The following NOTCH2 variants were observed in gnomAD, a reference collection of about 807,000 sequenced individuals.
NOTCH2 encodes the protein notch receptor 2, also known as neurogenic locus notch homolog protein 2.
Under a neutral mutation model 235.8 loss-of-function variants are expected in NOTCH2, and 29 were observed. That is an observed-to-expected ratio of 0.12 (90% CI 0.09 to 0.17). The LOEUF (loss-of-function observed/expected upper bound fraction) is 0.17. Among genes scored for constraint, NOTCH2 ranks in the 10% least tolerant of loss-of-function variants. NOTCH2 has a pLI of 1.00. For missense variants in NOTCH2, 2,285 were observed against 3,150.2 expected (o/e 0.73, Z 6.57); for synonymous variants, 1,086 against 1,141.5 (o/e 0.95, Z 0.98).
chr1:119,915,503 G>A lies in NOTCH2; in HGVS notation c.7219C>T (p.His2407Tyr). The change falls in exon 34 of 34, where the codon CAC becomes TAC. Residue 2407 changes from histidine (H) to tyrosine (Y), a missense_variant. Around this residue, in one of 6 missense-constraint regions of NOTCH2, gnomAD observed 504 missense variants for 538.0 expected, o/e 0.94. Coordinates refer to ENST00000256646, the MANE Select transcript of NOTCH2 (RefSeq NM_024408.4). ...AAERTPSHSG[H>Y]LQGEHPYLTP... ...AGGTAGGGATGCTCACCCTGGAGGT[G>A]ACCACTGTGACTGGGTGTTCGCTCA... 4 of 1,614,114 alleles carry A rather than the reference G, an allele frequency of 2.5e-6. No individual in the cohort carries two copies. The highest frequency in any genetic ancestry group is 3.4e-6 in the Non-Finnish European group (4 of 1,180,028).
intron 22 of NOTCH2, among the ~76,000 whole-genome samples, chr1:119,931,920 A>G (rs1193274217): frequency 6.7e-6 from 1 of 150,148 alleles, no homozygotes; most frequent in African/African-American, 2.4e-5. Context: ...GTTTTTTTAT[A>G]TCATAGCCAA....
At position 119,913,444 on chromosome 1, in the gene NOTCH2, G is replaced by C. The variant is rs1010376214; in HGVS notation, c.*1862C>G. The C allele has an allele frequency of 1.7e-5, 4 of 233,084 alleles. No homozygotes were observed. The highest frequency in any genetic ancestry group is 4.4e-5 in the African/African-American group (2 of 45,300). The allele number at this position is 233,084 out of a possible 1,614,324, so 14.4% of individuals were successfully genotyped here. ...AACTGTCATTCAAACCAAAAGAGTC[G>C]GGAATTCACCTGTTAATATCTACAA... On this transcript the variant is annotated 3_prime_UTR_variant, in exon 34 of 34. Transcript: ENST00000256646.
At chr1:119,984,871 G>T (rs912594492) in intron 5 of NOTCH2, among the ~76,000 whole-genome samples, 14 of 152,172 alleles carry the variant, frequency 9.2e-5, no homozygotes, top group Non-Finnish European at 1.6e-4. Flanking sequence ...ATTTAGCTCA[G>T]CCTGGAGCAA....
chr1:119,948,684 C>A, intron 16 of NOTCH2, 118 bp from the exon 17 acceptor site: 1 of 1,229,420 alleles, frequency 8.1e-7, no homozygotes, highest in African/African-American at 1.5e-5. Context: ...AACTGGTTGG[C>A]CCCCTGCTTT....
chr1:119,944,747 A>C (rs112201075), intron 17 of NOTCH2, among the ~76,000 whole-genome samples: 1,907 of 152,266 alleles, frequency 0.013, 43 homozygotes, highest in African/African-American at 0.044. Context: ...GCTGAAAGAG[A>C]AAGTCAATTT....
chr1:119,921,086 G>A (rs1471520795), intron 29 of NOTCH2, among the ~76,000 whole-genome samples: 8 of 152,208 alleles, frequency 5.3e-5, no homozygotes. Flanking sequence ...CAGCTACTAA[G>A]CGGCAGAGTT....
In NOTCH2 at chr1:119,940,667, T is replaced by C. The variant is rs1650033889; in HGVS notation, c.3071A>G (p.His1024Arg). Residue 1024 changes from histidine (H) to arginine (R), a missense_variant, in exon 19 of 34, where the codon CAT (histidine) becomes CGT (arginine). His to Arg is a conservative substitution (Grantham distance 29, BLOSUM62 0). Coordinates refer to ENST00000256646, the MANE Select transcript of NOTCH2 (RefSeq NM_024408.4). ...ATGAGAGCTGCATTCATTGATCTCA[T>C]GGAGGCAGAAGGATCCAGTGAAACC... is the stretch of plus-strand genomic sequence containing the variant. ...PVGFTGSFCL[H>R]EINECSSHPC... is the part of the protein sequence containing the mutation. The C allele has an allele frequency of 1.2e-6, 2 of 1,614,128 alleles. No homozygotes were observed. Among genetic ancestry groups the C allele is most frequent in the East Asian group, 2.2e-5 (1 of 44,886 alleles).
At chr1:120,007,653 A>T in intron 2 of NOTCH2, among the ~76,000 whole-genome samples, 1 of 151,994 alleles carries the variant, frequency 6.6e-6, no homozygotes, top group Non-Finnish European at 1.5e-5. Context: ...AGATTGTGCC[A>T]CTACACTCCA....
chr1:119,955,247 G>A lies in NOTCH2; in HGVS notation c.2027-15C>T. 1 of 1,612,920 alleles carries A rather than the reference G, an allele frequency of 6.2e-7. No individual in the cohort carries two copies. Among genetic ancestry groups the A allele is most frequent in the African/African-American group, 1.3e-5 (1 of 75,024 alleles). On this transcript the variant is annotated splice_polypyrimidine_tract_variant and intron_variant, in intron 12 of 33. Coordinates refer to ENST00000256646, the MANE Select transcript of NOTCH2 (RefSeq NM_024408.4). ...ACATCTCTGCCCTGTGGAGAAGGGG[G>A]ACAGTGTTAGTCACATCCTAAATGC...
At chr1:119,969,801 A>C (rs1651290415) in intron 5 of NOTCH2, 57 bp from the exon 6 acceptor site, 2 of 1,431,850 alleles carry the variant, frequency 1.4e-6, no homozygotes, top group Non-Finnish European at 2.0e-6. Flanking sequence ...GACTAGTACC[A>C]TACCAGCCCC....
intron 17 of NOTCH2, among the ~76,000 whole-genome samples, chr1:119,942,872 T>C (rs1466262194): frequency 6.9e-6 from 1 of 144,358 alleles, no homozygotes; most frequent in Admixed American, 6.9e-5. Flanking sequence ...TGTCCATATG[T>C]CTTTTTTTTT....
intron 5 of NOTCH2, among the ~76,000 whole-genome samples, chr1:119,973,381 C>T (rs1651442644): frequency 6.6e-6 from 1 of 152,096 alleles, no homozygotes; most frequent in African/African-American, 2.4e-5. Flanking sequence ...CTTCACGTCA[C>T]CACCCTCCTG....
chr1:119,937,720 C>T, intron 20 of NOTCH2, 137 bp downstream of exon 20: 1 of 941,200 alleles, frequency 1.1e-6, no homozygotes, highest in Non-Finnish European at 1.6e-6. Context: ...CTGTCTTGAG[C>T]CCTTTCCCCA....
At chr1:120,063,211 T>G (rs1655376951) in intron 1 of NOTCH2, among the ~76,000 whole-genome samples, 1 of 152,074 alleles carries the variant, frequency 6.6e-6, no homozygotes, top group South Asian at 2.1e-4. Context: ...TCCTTTATTT[T>G]CCTTTCCTTA....
At chr1:119,976,914 A>T (rs1217240153) in intron 5 of NOTCH2, among the ~76,000 whole-genome samples, 1 of 152,066 alleles carries the variant, frequency 6.6e-6, no homozygotes, top group African/African-American at 2.4e-5. Flanking sequence ...TTACTTTCTC[A>T]AAGAGACCTT....
intron 23 of NOTCH2, among the ~76,000 whole-genome samples, chr1:119,926,842 G>C (rs938983816): frequency 6.6e-6 from 1 of 152,098 alleles, no homozygotes; most frequent in Non-Finnish European, 1.5e-5. Flanking sequence ...TACACAGTAA[G>C]TACCAACTCA....
At chr1:119,920,850 T>G (rs1649262784) in intron 29 of NOTCH2, among the ~76,000 whole-genome samples, 1 of 152,208 alleles carries the variant, frequency 6.6e-6, no homozygotes, top group South Asian at 2.1e-4. Flanking sequence ...TCAAGGTTGT[T>G]TCCTTGTACT....
chr1:119,971,516 G>A (rs1230109942), intron 5 of NOTCH2, among the ~76,000 whole-genome samples: 5 of 152,174 alleles, frequency 3.3e-5, no homozygotes, highest in Admixed American at 1.3e-4. Flanking sequence ...AAAGTGATAT[G>A]GGTGAATCAG....
At position 119,915,442 on chromosome 1, in the gene NOTCH2, C is replaced by A; in HGVS notation, c.7280G>T (p.Ser2427Ile). Residue 2427 changes from serine (S) to isoleucine (I), a missense_variant, in exon 34 of 34, where the codon AGT becomes ATT. This residue lies in a region of NOTCH2 where 504 missense variants were observed against 538.0 expected (regional missense o/e 0.94). Transcript: ENST00000256646. ...GTCAGAAGCAGAGTGGGGTGATGAA[C>A]TTGACCACTGGTCAGGAGACTCTGG... ...PSPESPDQWS[S>I]SSPHSASDWS... 1 of 1,614,204 alleles carries A rather than the reference C, an allele frequency of 6.2e-7. No individual in the cohort carries two copies. Among genetic ancestry groups the A allele is most frequent in the South Asian group, 1.1e-5 (1 of 91,084 alleles).
Sources: allele counts gnomAD v4.1 joint callset (sites outside exome capture counted in the v4.1 genomes callset), GRCh38; gene constraint gnomAD v4.1.1; regional missense constraint gnomAD v4.1.1; transcripts MANE v1.5; gene names NCBI Gene and HGNC (gene_info 2026-07-23, HGNC 2026-07-21).